The following PLEKHA4 variants were observed in gnomAD, a reference collection of about 807,000 sequenced individuals.
PLEKHA4 encodes pleckstrin homology domain containing A4, also known as pleckstrin homology domain-containing family A member 4.
PLEKHA4 carries 73 observed loss-of-function variants against 94.7 expected under a neutral mutation model. The observed-to-expected ratio is 0.77, with a 90% CI of 0.64 to 0.94. The LOEUF is 0.94. PLEKHA4 is among the 40% of genes least tolerant of loss of function. PLEKHA4 has a pLI of 0.00. For missense variants in PLEKHA4, 1,049 were observed against 1,054.1 expected (o/e 1.00, Z 0.07); for synonymous variants, 449 against 437.1 (o/e 1.03, Z -0.34).
At chr19:48,845,178 G>C in intron 16 of PLEKHA4, 192 bp downstream of exon 16, 1 of 580,326 alleles carries the variant, frequency 1.7e-6, no homozygotes, top group African/African-American at 1.9e-5. Flanking sequence ...GGCACAGAGA[G>C]GTTTAATAAC....
chr19:48,859,693 T>C lies in PLEKHA4; in HGVS notation c.477-9A>G, dbSNP rs2036563987. 1 of 1,608,906 alleles carries C rather than the reference T, an allele frequency of 6.2e-7. No homozygotes were observed. On this transcript the variant is annotated splice_polypyrimidine_tract_variant and intron_variant, in intron 6 of 19. Coordinates refer to ENST00000263265, the MANE Select transcript of PLEKHA4 (RefSeq NM_020904.3). ...GTGACCTGGGTTGCCCACTAGCGAG[T>C]GGACATAGACAAGATATCACTCCTT...
intron 8 of PLEKHA4, 59 bp from the exon 9 acceptor site, chr19:48,857,555 T>C (rs1384661602): frequency 1.0e-6 from 1 of 971,184 alleles, no homozygotes; most frequent in Non-Finnish European, 1.6e-6. Context: ...AGACTTTTCA[T>C]TTTGTTCTGT....
chr19:48,858,627 C>CAAAAAAAAAAAAAAAAACAAAAAA (rs56663437), intron 8 of PLEKHA4, among the ~76,000 whole-genome samples: 1 of 63,474 alleles, frequency 1.6e-5, no homozygotes, highest in Admixed American at 1.5e-4. Context: ...ACCTCAGTCT[C>CAAAAAAAAAAAAAAAAACAAAAAA]AAAAAAAAAA....
chr19:48,853,596 T>G, intron 12 of PLEKHA4, 86 bp downstream of exon 12: 3 of 1,317,166 alleles, frequency 2.3e-6, no homozygotes, highest in Non-Finnish European at 3.0e-6. Context: ...GATCTTCCTA[T>G]GAGCCCTCTG....
intron 8 of PLEKHA4, among the ~76,000 whole-genome samples, 177 bp from the exon 9 acceptor site, chr19:48,857,673 G>A (rs1197551923): frequency 6.6e-6 from 1 of 151,254 alleles, no homozygotes; most frequent in Non-Finnish European, 1.5e-5. Context: ...AATGGATTAA[G>A]GGCAGTGCAA....
Position 48,860,330 on chromosome 19 carries a change from T to C in PLEKHA4, c.476+20A>G, listed in dbSNP as rs371324356. The C allele has an allele frequency of 2.5e-6, 4 of 1,598,510 alleles. No homozygotes were observed. The highest frequency in any genetic ancestry group is 2.2e-5 in the East Asian group (1 of 44,808). On this transcript the variant is annotated intron_variant, in intron 6 of 19. Coordinates refer to ENST00000263265, the MANE Select transcript of PLEKHA4 (RefSeq NM_020904.3). ...GACTCAGGGTGGAGGGTCAGGAGCA[T>C]GGCTTGGACCTCTACTCACTAGTCG...
chr19:48,860,145 G>C (rs1204353369), intron 6 of PLEKHA4: 3 of 593,514 alleles, frequency 5.1e-6, no homozygotes, highest in Non-Finnish European at 6.0e-6. Flanking sequence ...GGCGGGGACG[G>C]ACAAGGTGGT....
intron 12 of PLEKHA4, 87 bp downstream of exon 12, chr19:48,853,595 A>T: frequency 7.6e-7 from 1 of 1,314,788 alleles, no homozygotes; most frequent in Non-Finnish European, 9.9e-7. Context: ...CGATCTTCCT[A>T]TGAGCCCTCT....
At chr19:48,854,340 C>T in intron 9 of PLEKHA4, 76 bp from the exon 10 acceptor site, 1 of 1,237,390 alleles carries the variant, frequency 8.1e-7, no homozygotes, top group Non-Finnish European at 1.2e-6. Flanking sequence ...GAGCCACGCC[C>T]TGTCTCTACT....
intron 18 of PLEKHA4, among the ~76,000 whole-genome samples, chr19:48,838,557 A>G (rs1186583563): frequency 2.0e-5 from 3 of 151,338 alleles, no homozygotes; most frequent in Admixed American, 2.0e-4. Context: ...TGAGGTCAGG[A>G]GTTCGAGACC....
chr19:48,867,400 A>G lies in PLEKHA4; in HGVS notation c.84+137T>C. 1 of 956,092 alleles carries G rather than the reference A, an allele frequency of 1.0e-6. No homozygotes were observed. The allele number at this position is 956,092 out of a possible 1,614,324, so 59.2% of individuals were successfully genotyped here. A position where few individuals can be genotyped will look rare whatever the true frequency, so the allele number is the denominator to read the frequency against. ...GAATTCCTAGCTGCGGTGTGTAGGC[A>G]ATTTGGGACCTTACTATGTCTGGCA... On this transcript the variant is annotated intron_variant, in intron 2 of 19. Coordinates refer to ENST00000263265, the MANE Select transcript of PLEKHA4 (RefSeq NM_020904.3). The surrounding 1 kb of genome is among the most constrained non-coding windows in gnomAD (Gnocchi z 4.7).
rs764835247 is a variant in PLEKHA4, at chr19:48,861,401, G to C, written c.366C>G (p.Thr122=). The change falls in exon 5 of 20, where the codon ACC becomes ACG. Residue 122 remains threonine (T), a splice_region_variant and synonymous_variant. Coordinates refer to ENST00000263265, the MANE Select transcript of PLEKHA4 (RefSeq NM_020904.3). ...GAPRGRRFTF[T]AEHPGMRTYV... ...GCACAACATGGATGGATGGACTCAC[G>C]GTGAAGGTGAAGCGCCGCCCTCGGG... is the stretch of plus-strand genomic sequence containing the variant. The C allele has an allele frequency of 1.9e-6, 3 of 1,612,374 alleles. No homozygotes were observed. In the East Asian group the frequency reaches 6.7e-5, roughly 36 times the overall value.
intron 16 of PLEKHA4, among the ~76,000 whole-genome samples, chr19:48,842,789 C>G (rs1469153574): frequency 6.6e-6 from 1 of 152,216 alleles, no homozygotes; most frequent in African/African-American, 2.4e-5. Context: ...GGTCCTCACC[C>G]TCACACAGTA....
At position 48,865,580 on chromosome 19, in the gene PLEKHA4, C is replaced by A; in HGVS notation, c.115G>T (p.Ala39Ser). The A allele has an allele frequency of 6.2e-7, 1 of 1,613,912 alleles. No homozygotes were observed. The highest frequency in any genetic ancestry group is 8.5e-7 in the Non-Finnish European group (1 of 1,179,948). Residue 39 changes from alanine (A) to serine (S), a missense_variant, in exon 3 of 20, where the codon GCC becomes TCC. Physicochemically the swap from Ala to Ser is moderately conservative, Grantham distance 99. Coordinates refer to ENST00000263265, the MANE Select transcript of PLEKHA4 (RefSeq NM_020904.3). ...AGCGCATTGCCTCTCTTCCCAAAGG[C>A]GTGGATCTTGTTTACTGCCCGGGTG... ...KPTRAVNKIH[A>S]FGKRGNALRR...
At chr19:48,841,095 G>A in intron 17 of PLEKHA4, 54 bp downstream of exon 17, 1 of 1,525,310 alleles carries the variant, frequency 6.6e-7, no homozygotes, top group Non-Finnish European at 8.9e-7. Context: ...CTCAAAGTAG[G>A]CGAAGAGGAC....
chr19:48,845,422 C>G lies in PLEKHA4; in HGVS notation c.1691G>C (p.Arg564Pro). 6.2e-7 allele frequency: 1 copy of G among 1,613,778 alleles called. No individual in the cohort carries two copies. Among genetic ancestry groups the G allele is most frequent in the Non-Finnish European group, 8.5e-7 (1 of 1,180,016 alleles). The stretch of plus-strand genomic sequence containing the variant: ...GTGGCGACCCTCAGGGCTGGAAGCC[C>G]GGGAGACCCTCGGAGACCCAAGACC... ...HLGLGSPRVS[R>P]ASSPEGRHLP... The change falls in exon 16 of 20, where the codon CGG becomes CCG. Residue 564 changes from arginine to proline, a missense_variant. Transcript: ENST00000263265.
rs570406381 is a variant in PLEKHA4 at position 48,862,043 on chromosome 19, C to T, written c.193-351G>A. Reference sequence around the variant, plus strand: ...TCCGGAGGCTGAGGAGGGAGGATCACTTGAGCCTGGGAGTGGGGTGGAGGC... The same window carrying T: ...TCCGGAGGCTGAGGAGGGAGGATCATTTGAGCCTGGGAGTGGGGTGGAGGC... On this transcript the variant is annotated intron_variant, in intron 3 of 19. Coordinates refer to ENST00000263265, the MANE Select transcript of PLEKHA4 (RefSeq NM_020904.3). Among the ~76,000 whole-genome samples the T allele has an allele frequency of 3.3e-5, 5 of 151,740 alleles. No homozygotes were observed. The South Asian group carries it at 1.0e-3, about 32-fold the overall frequency.
chr19:48,845,421 C>T lies in PLEKHA4; in HGVS notation c.1692G>A (p.Arg564=). 2 of 1,613,776 alleles carry T rather than the reference C, an allele frequency of 1.2e-6. No homozygotes were observed. Among genetic ancestry groups the T allele is most frequent in the Non-Finnish European group, 1.7e-6 (2 of 1,180,016 alleles). ...HLGLGSPRVS[R]ASSPEGRHLP... ...GGTGGCGACCCTCAGGGCTGGAAGC[C>T]CGGGAGACCCTCGGAGACCCAAGAC... The change falls in exon 16 of 20, where the codon CGG becomes CGA. Residue 564 remains arginine (R), a synonymous_variant. Coordinates refer to ENST00000263265, the MANE Select transcript of PLEKHA4 (RefSeq NM_020904.3).
rs1196162080 is a variant in PLEKHA4, at chr19:48,859,659, G to A, written c.502C>T (p.Pro168Ser). ...DYGQPRSPAR[P>S]QPGEGPGGPG... ...CCGCCGGGGCCCTCCCCGGGCTGGG[G>A]TCGTGCAGGTGACCTGGGTTGCCCA... Residue 168 changes from proline (P) to serine (S), a missense_variant, in exon 7 of 20, where the codon CCC becomes TCC. By Grantham distance (74) the Pro-to-Ser change is moderately conservative (BLOSUM62 -1). Transcript: ENST00000263265. 5.0e-6 allele frequency: 8 copies of A among 1,612,086 alleles called. No homozygotes were observed. The highest frequency in any genetic ancestry group is 1.7e-5 in the Admixed American group (1 of 59,808).
Sources: allele counts gnomAD v4.1 joint callset (sites outside exome capture counted in the v4.1 genomes callset), GRCh38; gene constraint gnomAD v4.1.1; non-coding constraint Gnocchi (gnomAD v3.1); transcripts MANE v1.5; gene names NCBI Gene and HGNC (gene_info 2026-07-23, HGNC 2026-07-21).